The following TAFA4 variants were observed in gnomAD, a reference collection of about 807,000 sequenced individuals.
The protein encoded by TAFA4 is chemokine-like protein TAFA-4.
A neutral mutation model predicts 21.1 loss-of-function variants in TAFA4; 20 were observed. The observed-to-expected ratio is 0.95, with a 90% CI of 0.67 to 1.38. The LOEUF is 1.38. Ranked by LOEUF, TAFA4 falls within the 40% of genes most tolerant of loss-of-function variation. The pLI is 0.00. For synonymous variants in TAFA4, 71 were observed against 67.4 expected (o/e 1.05, Z -0.26); for missense variants, 211 against 180.9 (o/e 1.17, Z -0.95).
chr3:68,783,669 CACACAGAG>C (rs1253643241), intron 3 of TAFA4, among the ~76,000 whole-genome samples: 95 of 106,622 alleles, frequency 8.9e-4, no homozygotes, highest in African/African-American at 2.6e-3. Context: ...CAGACACACA[CACACAGAG>C]AGAGAGAGAG....
intron 3 of TAFA4, among the ~76,000 whole-genome samples, chr3:68,776,559 T>C (rs1377404160): frequency 1.3e-5 from 2 of 152,170 alleles, no homozygotes; most frequent in Admixed American, 6.5e-5. Flanking sequence ...TCTACATCCA[T>C]AGTTTGAGAT....
chr3:68,873,860 C>A (rs6809963), intron 3 of TAFA4, among the ~76,000 whole-genome samples: 1 of 152,160 alleles, frequency 6.6e-6, no homozygotes, highest in Non-Finnish European at 1.5e-5. Context: ...CAACCAAGTT[C>A]GGATTGCTGA....
intron 3 of TAFA4, among the ~76,000 whole-genome samples, chr3:68,814,457 A>C (rs1703915926): frequency 6.6e-6 from 1 of 152,192 alleles, no homozygotes; most frequent in African/African-American, 2.4e-5. Flanking sequence ...CTGATAGGCA[A>C]CTTCAGCAAA....
chr3:68,787,803 T>C (rs1703288336), intron 3 of TAFA4, among the ~76,000 whole-genome samples: 1 of 152,244 alleles, frequency 6.6e-6, no homozygotes, highest in Admixed American at 6.5e-5. Flanking sequence ...TAAAGAATGA[T>C]GGATTGGAGC....
intron 1 of TAFA4, among the ~76,000 whole-genome samples, chr3:68,892,825 T>C (rs956029400): frequency 6.6e-6 from 1 of 152,114 alleles, no homozygotes; most frequent in Non-Finnish European, 1.5e-5. Flanking sequence ...GACCGTGAAG[T>C]AAAAAGTACA....
chr3:68,798,513 G>T (rs1269282696), intron 3 of TAFA4, among the ~76,000 whole-genome samples: 1 of 152,170 alleles, frequency 6.6e-6, no homozygotes, highest in Non-Finnish European at 1.5e-5. Flanking sequence ...AGAGGGATAT[G>T]TTCCAGCTTC....
At chr3:68,783,613 T>A (rs1187684167) in intron 3 of TAFA4, among the ~76,000 whole-genome samples, 1 of 150,234 alleles carries the variant, frequency 6.7e-6, no homozygotes, top group East Asian at 2.0e-4. Context: ...TTTTTGACTC[T>A]CCAGATGGCT....
chr3:68,733,861 C>T (rs574888538), intron 5 of TAFA4, among the ~76,000 whole-genome samples: 1 of 152,286 alleles, frequency 6.6e-6, no homozygotes, highest in African/African-American at 2.4e-5. Flanking sequence ...GTATGCAAAC[C>T]TCAGCGTTGC....
chr3:68,736,920 T>C (rs2106724107), intron 5 of TAFA4, among the ~76,000 whole-genome samples: 1 of 152,290 alleles, frequency 6.6e-6, no homozygotes, highest in South Asian at 2.1e-4. Flanking sequence ...AACTGTATTA[T>C]CTTTCTACAA....
intron 4 of TAFA4, among the ~76,000 whole-genome samples, chr3:68,745,589 A>G (rs1398530703): frequency 1.3e-5 from 2 of 152,326 alleles, no homozygotes; most frequent in East Asian, 3.9e-4. Flanking sequence ...GCTATATTCT[A>G]TAATGCTGTT....
intron 3 of TAFA4, among the ~76,000 whole-genome samples, chr3:68,783,697 G>A (rs1348768009): frequency 6.7e-5 from 7 of 104,816 alleles, no homozygotes; most frequent in South Asian, 4.6e-4. Flanking sequence ...GAGAGAGAGA[G>A]AGAGAGAGAG....
chr3:68,743,029 A>G (rs549371131), intron 4 of TAFA4, among the ~76,000 whole-genome samples: 1 of 152,304 alleles, frequency 6.6e-6, no homozygotes, highest in African/African-American at 2.4e-5. Flanking sequence ...AAGGGGCCAG[A>G]CATTGTAGAA....
intron 3 of TAFA4, among the ~76,000 whole-genome samples, chr3:68,815,759 T>A (rs1703960141): frequency 2.0e-5 from 3 of 152,318 alleles, no homozygotes; most frequent in South Asian, 4.1e-4. Context: ...AGTGTGGCGA[T>A]TCCTCAAGAA....
intron 3 of TAFA4, among the ~76,000 whole-genome samples, chr3:68,854,775 A>T (rs1159797951): frequency 1.3e-5 from 2 of 152,120 alleles, no homozygotes; most frequent in East Asian, 3.9e-4. Context: ...TTGCAAAGAC[A>T]GTTGAACAGT....
intron 1 of TAFA4, among the ~76,000 whole-genome samples, chr3:68,894,355 T>TTGCC (rs2089762693): frequency 6.6e-6 from 1 of 152,264 alleles, no homozygotes; most frequent in African/African-American, 2.4e-5. Context: ...AGACAGGGTT[T>TTGCC]TGCCATGTTG....
intron 3 of TAFA4, among the ~76,000 whole-genome samples, chr3:68,777,694 A>C (rs1234388634): frequency 8.5e-5 from 13 of 152,194 alleles, no homozygotes; most frequent in Admixed American, 8.5e-4. Context: ...GAGAACAAAT[A>C]GTAATATGCA....
At chr3:68,855,750 A>C (rs930872193) in intron 3 of TAFA4, among the ~76,000 whole-genome samples, 9 of 151,944 alleles carry the variant, frequency 5.9e-5, no homozygotes, top group African/African-American at 2.2e-4. Context: ...TGCCAACCCA[A>C]CATCCCTTCT....
chr3:68,820,320 G>C (rs1289997948), intron 3 of TAFA4, among the ~76,000 whole-genome samples: 1 of 152,142 alleles, frequency 6.6e-6, no homozygotes, highest in African/African-American at 2.4e-5. Flanking sequence ...ATTTCAGGGA[G>C]AATAAGTTCA....
chr3:68,739,145 T>C lies in TAFA4; in HGVS notation c.341A>G (p.Glu114Gly). ...WCHMNPCLEG[E>G]DCKVLPDYSG... ...GTAATCTGGCAGCACTTTACAATCC[T>C]CTCCTTCCAAACACGGATTCATGTG... Residue 114 changes from glutamate to glycine, a missense_variant, in exon 5 of 6, where the codon GAG (glutamate) becomes GGG (glycine). Transcript: ENST00000295569. 2 of 1,613,962 alleles carry C rather than the reference T, an allele frequency of 1.2e-6. No individual in the cohort carries two copies. Among genetic ancestry groups the C allele is most frequent in the Non-Finnish European group, 1.7e-6 (2 of 1,179,902 alleles).
Sources: allele counts gnomAD v4.1 joint callset (sites outside exome capture counted in the v4.1 genomes callset), GRCh38; gene constraint gnomAD v4.1.1; transcripts MANE v1.5; gene names NCBI Gene and HGNC (gene_info 2026-07-23, HGNC 2026-07-21).